The following NAA15 variants were observed in gnomAD, a reference collection of about 807,000 sequenced individuals.
NAA15 encodes N-terminal acetyltransferase.
NAA15 carries 34 observed loss-of-function variants against 114.0 expected under a neutral mutation model. That is an observed-to-expected ratio of 0.30 (90% CI 0.23 to 0.40). The LOEUF is 0.40. Among genes scored for constraint, NAA15 ranks in the 10% least tolerant of loss-of-function variants. NAA15 has a pLI of 1.00. For missense variants in NAA15, 658 were observed against 1,004.5 expected (o/e 0.66, Z 4.66); for synonymous variants, 340 against 338.0 (o/e 1.01, Z -0.06).
At chr4:139,308,370 T>A (rs1282179377) in intron 1 of NAA15, among the ~76,000 whole-genome samples, 2 of 152,214 alleles carry the variant, frequency 1.3e-5, no homozygotes, top group East Asian at 3.8e-4. Flanking sequence ...GAAATTTAGA[T>A]TAGGAATTGT....
chr4:139,376,189 G>C (rs1034415369), intron 15 of NAA15, among the ~76,000 whole-genome samples, 176 bp from the exon 16 acceptor site: 2 of 152,142 alleles, frequency 1.3e-5, no homozygotes, highest in South Asian at 4.1e-4. Flanking sequence ...AATCAGTTAA[G>C]AATTCTAGAA....
chr4:139,306,379 C>G (rs954226915), intron 1 of NAA15, among the ~76,000 whole-genome samples: 1 of 150,966 alleles, frequency 6.6e-6, no homozygotes, highest in African/African-American at 2.5e-5. Context: ...CAGGCGCCTG[C>G]CACCACACTC....
intron 1 of NAA15, among the ~76,000 whole-genome samples, chr4:139,327,665 G>A (rs1360995822): frequency 5.9e-5 from 9 of 151,558 alleles, no homozygotes; most frequent in Non-Finnish European, 1.3e-4. Flanking sequence ...ATTTGTTTTC[G>A]TTTTGTTTTG....
At chr4:139,308,246 C>A (rs1579079337) in intron 1 of NAA15, among the ~76,000 whole-genome samples, 1 of 152,174 alleles carries the variant, frequency 6.6e-6, no homozygotes, top group African/African-American at 2.4e-5. Context: ...CAGGCATGAA[C>A]CACCGCGCCC....
chr4:139,330,865 A>G (rs761028200), intron 1 of NAA15, among the ~76,000 whole-genome samples: 2 of 152,154 alleles, frequency 1.3e-5, no homozygotes, highest in Non-Finnish European at 2.9e-5. Context: ...AAGCAACTCT[A>G]GTTTGCTGTA....
chr4:139,307,322 G>A (rs1274931247), intron 1 of NAA15, among the ~76,000 whole-genome samples: 4 of 152,222 alleles, frequency 2.6e-5, no homozygotes, highest in Non-Finnish European at 5.9e-5. Flanking sequence ...AGTCTGGAGT[G>A]CAGTGGTTTG....
At chr4:139,359,199 G>A (rs1748058260) in intron 11 of NAA15, among the ~76,000 whole-genome samples, 1 of 151,990 alleles carries the variant, frequency 6.6e-6, no homozygotes, top group African/African-American at 2.4e-5. Flanking sequence ...CATGATCTCA[G>A]CTCACTGCAA....
chr4:139,377,397 G>A (rs2110991877), intron 16 of NAA15, among the ~76,000 whole-genome samples: 1 of 152,220 alleles, frequency 6.6e-6, no homozygotes, highest in Non-Finnish European at 1.5e-5. Context: ...AATTAGCCGG[G>A]TGTGGTGGCA....
At chr4:139,368,598 A>G (rs1300704686) in intron 14 of NAA15, among the ~76,000 whole-genome samples, 1 of 152,150 alleles carries the variant, frequency 6.6e-6, no homozygotes, top group Non-Finnish European at 1.5e-5. Flanking sequence ...ATGATCCAAG[A>G]GAAAGCAAGG....
At chr4:139,342,650 A>G (rs1747447032) in intron 4 of NAA15, among the ~76,000 whole-genome samples, 176 bp from the exon 5 acceptor site, 1 of 151,970 alleles carries the variant, frequency 6.6e-6, no homozygotes. Flanking sequence ...GGGTTTCACC[A>G]TGTTGGCCAG....
intron 3 of NAA15, 125 bp from the exon 4 acceptor site, chr4:139,340,787 C>T: frequency 1.5e-6 from 1 of 657,546 alleles, no homozygotes; most frequent in Non-Finnish European, 2.4e-6. Context: ...CAATCTCCCC[C>T]TCCCCTTCCC....
At chr4:139,362,160 T>TA (rs1425211646) in intron 14 of NAA15, among the ~76,000 whole-genome samples, 6 of 152,268 alleles carry the variant, frequency 3.9e-5, no homozygotes, top group Non-Finnish European at 8.8e-5. Context: ...GTTTGCATGT[T>TA]ATGAGTTTTA....
chr4:139,305,539 G>GTTT (rs11454836), intron 1 of NAA15, among the ~76,000 whole-genome samples: 2 of 135,492 alleles, frequency 1.5e-5, no homozygotes, highest in African/African-American at 5.4e-5. Context: ...GTAACTTGTT[G>GTTT]TTTTTTTTTT....
chr4:139,329,809 G>C (rs1331359970), intron 1 of NAA15, among the ~76,000 whole-genome samples: 1 of 152,128 alleles, frequency 6.6e-6, no homozygotes, highest in Non-Finnish European at 1.5e-5. Flanking sequence ...TCTCAGGGTG[G>C]TTTCATCTCT....
Position 139,301,607 on chromosome 4 carries a change from G to A in NAA15, c.-171G>A. On this transcript the variant is annotated 5_prime_UTR_variant, in exon 1 of 20. Coordinates refer to ENST00000296543, the MANE Select transcript of NAA15 (RefSeq NM_057175.5). ...TAAGTGAGAAAGGAAAAAAGACAAC[G>A]AGGAAAAAGGAGGTGTCCGGGTAGG... 1.5e-6 allele frequency: 1 copy of A among 669,444 alleles called. No homozygotes were observed. Among genetic ancestry groups the A allele is most frequent in the East Asian group, 3.0e-5 (1 of 33,562 alleles). 41.5% of individuals were successfully genotyped at this position (669,444 alleles called of 1,614,324 possible). A position where few individuals can be genotyped will look rare whatever the true frequency, so the allele number is the denominator to read the frequency against.
chr4:139,343,246 G>A (rs925592562), intron 5 of NAA15, among the ~76,000 whole-genome samples: 3 of 152,110 alleles, frequency 2.0e-5, no homozygotes, highest in Non-Finnish European at 4.4e-5. Context: ...AAATGCTTTA[G>A]TGTGTATTTT....
chr4:139,334,121 A>T, intron 1 of NAA15, 53 bp from the exon 2 acceptor site: 2 of 1,102,892 alleles, frequency 1.8e-6, no homozygotes, highest in Non-Finnish European at 1.3e-6. Context: ...CGTTGAATTT[A>T]AAGTTGTTTG....
intron 14 of NAA15, among the ~76,000 whole-genome samples, chr4:139,369,383 T>C (rs1748370305): frequency 6.6e-6 from 1 of 152,196 alleles, no homozygotes; most frequent in Admixed American, 6.5e-5. Context: ...GCATATCCCA[T>C]ATGGTTTCAA....
At chr4:139,357,198 A>G (rs996178683) in intron 10 of NAA15, among the ~76,000 whole-genome samples, 188 bp from the exon 11 acceptor site, 45 of 152,200 alleles carry the variant, frequency 3.0e-4, no homozygotes, top group Non-Finnish European at 1.3e-4. Flanking sequence ...TAGGGGTTAT[A>G]AGGATGCAGA....
Sources: gnomAD v4.1 joint callset for allele counts (sites outside exome capture counted in the v4.1 genomes callset) on GRCh38, gnomAD v4.1.1 for gene constraint, MANE v1.5 for transcripts, NCBI Gene and HGNC (gene_info 2026-07-23, HGNC 2026-07-21) for gene names.